The following ITGA4 variants were observed in gnomAD, a reference collection of about 807,000 sequenced individuals.
ITGA4 encodes integrin subunit alpha 4.
A neutral mutation model predicts 133.6 loss-of-function variants in ITGA4; 63 were observed. That is an observed-to-expected ratio of 0.47 (90% CI 0.38 to 0.58). The LOEUF (loss-of-function observed/expected upper bound fraction) is 0.58. Ranked by LOEUF, ITGA4 falls within the 20% of genes least tolerant of loss-of-function variation. The pLI is 0.00. For missense variants in ITGA4, 1,076 were observed against 1,252.7 expected, an observed-to-expected ratio of 0.86 and a Z score of 2.13; for synonymous variants, 483 against 438.0, an observed-to-expected ratio of 1.10 and a Z score of -1.28.
chr2:181,488,702 G>A (rs1685976286), intron 10 of ITGA4, among the ~76,000 whole-genome samples: 1 of 151,870 alleles, frequency 6.6e-6, no homozygotes, highest in South Asian at 2.1e-4. Flanking sequence ...GGGACTACAG[G>A]CACCCGCCAC....
At chr2:181,464,337 A>G (rs1385868289) in intron 2 of ITGA4, among the ~76,000 whole-genome samples, 8 of 152,136 alleles carry the variant, frequency 5.3e-5, no homozygotes, top group Non-Finnish European at 1.2e-4. Flanking sequence ...GAGAAGTGAG[A>G]AACAATAGCA....
intron 4 of ITGA4, chr2:181,475,846 A>G (rs1397926074): frequency 8.1e-6 from 13 of 1,603,870 alleles, no homozygotes; most frequent in East Asian, 2.2e-5. Context: ...CAGAGCTAGG[A>G]CATAACAGAA....
chr2:181,493,127 C>T (rs1686088130), intron 10 of ITGA4, 198 bp from the exon 11 acceptor site: 1 of 460,598 alleles, frequency 2.2e-6, no homozygotes, highest in Non-Finnish European at 3.8e-6. Context: ...ACTCTGCTTT[C>T]TTCCATGTGC....
chr2:181,525,335 A>G, intron 21 of ITGA4, 44 bp downstream of exon 21: 1 of 1,038,250 alleles, frequency 9.6e-7, no homozygotes, highest in Non-Finnish European at 1.5e-6. Flanking sequence ...GAGCTGATTT[A>G]CAGTTTCCTT....
intron 5 of ITGA4, chr2:181,479,070 C>T (rs1367909531): frequency 3.4e-6 from 1 of 290,020 alleles, no homozygotes; most frequent in Non-Finnish European, 6.4e-6. Flanking sequence ...ACATTTCTTT[C>T]ATCAACAATT....
At chr2:181,511,912 CT>C (rs1362905684) in intron 17 of ITGA4, 137 bp downstream of exon 17, 2 of 535,624 alleles carry the variant, frequency 3.7e-6, no homozygotes, top group Non-Finnish European at 6.7e-6. Flanking sequence ...CAACACAATG[CT>C]TAGTTTTTTA....
intron 17 of ITGA4, among the ~76,000 whole-genome samples, chr2:181,517,300 T>A (rs1686625569): frequency 6.6e-6 from 1 of 152,050 alleles, no homozygotes; most frequent in Admixed American, 6.6e-5. Context: ...CCCTAATTCA[T>A]TTTAGGGAGA....
At position 181,535,664 on chromosome 2, in the gene ITGA4, T is replaced by G; in HGVS notation, c.*137T>G. 8.9e-7 allele frequency: 1 copy of G among 1,121,276 alleles called. No homozygotes were observed. The highest frequency in any genetic ancestry group is 2.0e-5 in the South Asian group (1 of 49,650). 69.5% of individuals were successfully genotyped at this position (1,121,276 alleles called of 1,614,324 possible). ...GATCTTGTGACATATTATGTCTTCA[T>G]GCAAGGGGAAAATCTCAGCAATGAT... On this transcript the variant is annotated 3_prime_UTR_variant, in exon 28 of 28. Transcript: ENST00000397033.
intron 12 of ITGA4, 137 bp downstream of exon 12, chr2:181,494,949 C>A: frequency 1.7e-6 from 1 of 593,586 alleles, no homozygotes; most frequent in East Asian, 2.8e-5. Context: ...TAAAGTTCTC[C>A]TTAATTCATT....
intron 10 of ITGA4, among the ~76,000 whole-genome samples, chr2:181,488,064 G>A (rs155110): frequency 0.27 from 40,528 of 152,138 alleles, 5,682 homozygotes; most frequent in Middle Eastern, 0.32. Context: ...AATGTGAAAA[G>A]TATATGTATG....
intron 2 of ITGA4, among the ~76,000 whole-genome samples, chr2:181,464,616 T>G (rs898581952): frequency 9.9e-5 from 15 of 152,110 alleles, no homozygotes; most frequent in Admixed American, 8.5e-4. Context: ...CTGACTGGTT[T>G]TGAAGAGCAC....
At chr2:181,520,901 G>T (rs566323293) in intron 17 of ITGA4, among the ~76,000 whole-genome samples, 9 of 152,166 alleles carry the variant, frequency 5.9e-5, no homozygotes, top group African/African-American at 2.2e-4. Context: ...CAGAAATTTT[G>T]AAACATGTTC....
chr2:181,462,161 G>C (rs879728644), intron 2 of ITGA4, among the ~76,000 whole-genome samples: 9 of 152,056 alleles, frequency 5.9e-5, no homozygotes, highest in Admixed American at 5.9e-4. Context: ...ATCTCTTTAG[G>C]AGATGCTTTC....
In ITGA4 at chr2:181,537,224, C is replaced by T. The variant is rs985626525; in HGVS notation, c.*1697C>T. On this transcript the variant is annotated 3_prime_UTR_variant, in exon 28 of 28. Transcript: ENST00000397033. The stretch of plus-strand genomic sequence containing the variant: ...AGCCCCGATTTAGAACTGTCTTCTC[C>T]AGGATGGTCTCTAAGGAAATTTACA... 1 of 452,816 alleles carries T rather than the reference C, an allele frequency of 2.2e-6. No individual in the cohort carries two copies. The allele number at this position is 452,816 out of a possible 1,614,324, so 28.0% of individuals were successfully genotyped here.
intron 2 of ITGA4, among the ~76,000 whole-genome samples, chr2:181,462,837 C>G (rs563544190): frequency 1.3e-5 from 2 of 152,108 alleles, no homozygotes; most frequent in Non-Finnish European, 2.9e-5. Context: ...AAATATATCC[C>G]CTTGGCAACA....
In ITGA4 at chr2:181,475,034, T is replaced by C. The variant is rs1293314814; in HGVS notation, c.394T>C (p.Ser132Pro). The part of the protein sequence containing the change: ...RDNQWLGVTL[S>P]RQPGENGSIV... ...CAATCAGTGGTTGGGGGTCACACTT[T>C]CCAGACAGCCAGGAGAAAATGGATC... The change falls in exon 3 of 28, where the codon TCC becomes CCC. Residue 132 changes from serine (S) to proline (P), a missense_variant. This residue lies in a region of ITGA4 where 436 missense variants were observed against 590.7 expected (regional missense o/e 0.74). Coordinates refer to ENST00000397033, the MANE Select transcript of ITGA4 (RefSeq NM_000885.6). The C allele has an allele frequency of 6.2e-7, 1 of 1,614,056 alleles. No homozygotes were observed. The highest frequency in any genetic ancestry group is 8.5e-7 in the Non-Finnish European group (1 of 1,179,958).
chr2:181,476,669 C>T (rs1685683615), intron 4 of ITGA4, among the ~76,000 whole-genome samples: 1 of 152,088 alleles, frequency 6.6e-6, no homozygotes, highest in Non-Finnish European at 1.5e-5. Flanking sequence ...AGAAAGGACA[C>T]TCTCTTCAAT....
rs186795650 is a variant in ITGA4, at chr2:181,529,515, G to A, written c.2431-26G>A. ...TACATTTATAGAAAACATTTAATTT[G>A]TTAAAAAATTTTTCCTTCTTATCAG... On this transcript the variant is annotated intron_variant, in intron 22 of 27. Coordinates refer to ENST00000397033, the MANE Select transcript of ITGA4 (RefSeq NM_000885.6). 1.4e-4 allele frequency: 163 copies of A among 1,156,334 alleles called. No individual in the cohort carries two copies. In the East Asian group the frequency reaches 3.2e-3, roughly 22 times the overall value. The allele number at this position is 1,156,334 out of a possible 1,614,324, so 71.6% of individuals were successfully genotyped here.
At chr2:181,465,111 T>A (rs1009738540) in intron 2 of ITGA4, among the ~76,000 whole-genome samples, 3 of 152,126 alleles carry the variant, frequency 2.0e-5, no homozygotes, top group African/African-American at 7.2e-5. Context: ...AAAATGCTGG[T>A]CAATGTGCAC....
Sources: gnomAD v4.1 joint callset for allele counts (sites outside exome capture counted in the v4.1 genomes callset) on GRCh38, gnomAD v4.1.1 for gene constraint, gnomAD v4.1.1 regional missense constraint, MANE v1.5 for transcripts, NCBI Gene and HGNC (gene_info 2026-07-23, HGNC 2026-07-21) for gene names.